The following ANKRD44 variants were observed in gnomAD, a reference collection of about 807,000 sequenced individuals.
ANKRD44 encodes the protein serine/threonine-protein phosphatase 6 regulatory ankyrin repeat subunit B.
A neutral mutation model predicts 116.0 loss-of-function variants in ANKRD44; 35 were observed. The observed-to-expected ratio is 0.30, with a 90% CI of 0.23 to 0.40. The LOEUF (loss-of-function observed/expected upper bound fraction) is 0.40. Ranked by LOEUF, ANKRD44 falls within the 10% of genes least tolerant of loss-of-function variation. The probability of loss-of-function intolerance (pLI) is 1.00; values close to 1 mark genes in which losing one functional copy is unlikely to be tolerated. For synonymous variants in ANKRD44, 435 were observed against 461.8 expected, an observed-to-expected ratio of 0.94 and a Z score of 0.74; for missense variants, 1,014 against 1,242.6, an observed-to-expected ratio of 0.82 and a Z score of 2.77.
intron 1 of ANKRD44, among the ~76,000 whole-genome samples, chr2:197,268,411 AG>A (rs1308350016): frequency 6.6e-6 from 1 of 152,222 alleles, no homozygotes; most frequent in African/African-American, 2.4e-5. Context: ...AAGAAAAGAG[AG>A]AAACTATCAT....
intron 4 of ANKRD44, among the ~76,000 whole-genome samples, chr2:197,126,255 G>A (rs993486106): frequency 4.6e-5 from 7 of 152,120 alleles, no homozygotes; most frequent in Non-Finnish European, 5.9e-5. Context: ...CAAGAGCCCC[G>A]GCACATCTCT....
intron 1 of ANKRD44, among the ~76,000 whole-genome samples, chr2:197,293,094 G>T (rs1574461861): frequency 6.6e-6 from 1 of 151,932 alleles, no homozygotes; most frequent in East Asian, 1.9e-4. Flanking sequence ...TTTTACTAGG[G>T]TTATTTACAT....
intron 8 of ANKRD44, among the ~76,000 whole-genome samples, chr2:197,117,508 G>A (rs1253223074): frequency 6.6e-6 from 1 of 152,116 alleles, no homozygotes; most frequent in Non-Finnish European, 1.5e-5. Flanking sequence ...AAAGTGCTCG[G>A]ATTACAGGCG....
At chr2:197,186,590 T>A (rs1236899123) in intron 2 of ANKRD44, among the ~76,000 whole-genome samples, 1 of 137,892 alleles carries the variant, frequency 7.3e-6, no homozygotes, top group Non-Finnish European at 1.6e-5. Context: ...TGTGCCTCCA[T>A]CACTATGCCC....
At chr2:197,169,885 ATT>A (rs1559121101) in intron 2 of ANKRD44, among the ~76,000 whole-genome samples, 1 of 152,102 alleles carries the variant, frequency 6.6e-6, no homozygotes, top group East Asian at 1.9e-4. Flanking sequence ...GCTGTTAAAA[ATT>A]TTTTAAAAAA....
rs1432855041 is a variant in ANKRD44 at position 197,203,829 on chromosome 2, C to T, written c.28-16723G>A. ...TGATAGATGCTACAACATGGATGAA[C>T]CTTGGAAACATTATGCTAAGTGCAA... is the stretch of plus-strand genomic sequence containing the variant. On this transcript the variant is annotated intron_variant, in intron 1 of 27. Coordinates refer to ENST00000282272, the MANE Select transcript of ANKRD44 (RefSeq NM_001195144.2). This position sits in a 1 kb window ranked among gnomAD's most constrained non-coding sequence, Gnocchi z 4.1. 6.6e-6 allele frequency among the ~76,000 whole-genome samples: 1 copy of T among 152,150 alleles called. No homozygotes were observed. Among genetic ancestry groups the T allele is most frequent in the Non-Finnish European group, 1.5e-5 (1 of 68,034 alleles).
intron 21 of ANKRD44, among the ~76,000 whole-genome samples, chr2:197,004,665 G>A (rs937559887): frequency 2.6e-5 from 4 of 152,048 alleles, no homozygotes; most frequent in Middle Eastern, 3.2e-3. Context: ...AATGTTTGGT[G>A]AAATAATAAA....
chr2:197,294,971 A>G (rs1429650956), intron 1 of ANKRD44, among the ~76,000 whole-genome samples: 1 of 152,230 alleles, frequency 6.6e-6, no homozygotes, highest in Non-Finnish European at 1.5e-5. Context: ...AATCCTATAG[A>G]AAAGGCAAGT....
At chr2:197,124,603 T>C (rs1018258693) in intron 6 of ANKRD44, among the ~76,000 whole-genome samples, 17 of 152,232 alleles carry the variant, frequency 1.1e-4, no homozygotes, top group Admixed American at 6.5e-4. Flanking sequence ...CTTGTGTGGA[T>C]CTTCCAGAAT....
At chr2:197,110,568 TTA>T (rs2078541431) in intron 9 of ANKRD44, among the ~76,000 whole-genome samples, 196 bp downstream of exon 9, 1 of 152,212 alleles carries the variant, frequency 6.6e-6, no homozygotes, top group African/African-American at 2.4e-5. Flanking sequence ...AACTGTGGCT[TTA>T]TGTTTTTACT....
intron 25 of ANKRD44, among the ~76,000 whole-genome samples, chr2:196,996,635 T>C (rs1266255557): frequency 6.6e-6 from 1 of 152,166 alleles, no homozygotes; most frequent in African/African-American, 2.4e-5. Flanking sequence ...CTGGGTGCAG[T>C]GGCTCATGCC....
intron 1 of ANKRD44, among the ~76,000 whole-genome samples, chr2:197,257,376 T>C (rs947843862): frequency 1.3e-5 from 2 of 152,132 alleles, no homozygotes; most frequent in African/African-American, 2.4e-5. Context: ...ACAGAAGTTT[T>C]TTTTTTTTTT....
intron 15 of ANKRD44, among the ~76,000 whole-genome samples, chr2:197,080,343 C>T (rs373300085): frequency 6.6e-6 from 1 of 152,184 alleles, no homozygotes; most frequent in South Asian, 2.1e-4. Context: ...CTTCCCAGAG[C>T]CTAGTAATTT....
intron 16 of ANKRD44, among the ~76,000 whole-genome samples, chr2:197,065,207 G>A (rs2077404648): frequency 6.6e-6 from 1 of 152,022 alleles, no homozygotes; most frequent in Admixed American, 6.6e-5. Flanking sequence ...ATGACTACTG[G>A]GTACATAACG....
intron 16 of ANKRD44, among the ~76,000 whole-genome samples, chr2:197,030,807 T>C (rs1259461723): frequency 2.0e-5 from 3 of 152,020 alleles, no homozygotes; most frequent in African/African-American, 7.2e-5. Context: ...GCAATACAAG[T>C]GCTTTTGTTG....
intron 1 of ANKRD44, among the ~76,000 whole-genome samples, chr2:197,289,843 G>A (rs1190458366): frequency 6.6e-6 from 1 of 151,682 alleles, no homozygotes; most frequent in Admixed American, 6.6e-5. Context: ...GCCATTTCAT[G>A]TAAACTATCC....
intron 1 of ANKRD44, among the ~76,000 whole-genome samples, chr2:197,260,325 C>T (rs551471163): frequency 3.9e-5 from 6 of 152,198 alleles, no homozygotes; most frequent in Admixed American, 2.0e-4. Flanking sequence ...TGAGTGAGAA[C>T]ATGTGGTGTT....
At chr2:197,281,604 G>A (rs2083267407) in intron 1 of ANKRD44, among the ~76,000 whole-genome samples, 2 of 152,108 alleles carry the variant, frequency 1.3e-5, no homozygotes, top group African/African-American at 4.8e-5. Flanking sequence ...CTCTTTTGAT[G>A]AATCTATCAG....
intron 1 of ANKRD44, among the ~76,000 whole-genome samples, chr2:197,251,421 C>G (rs1260968916): frequency 1.3e-5 from 2 of 152,184 alleles, no homozygotes; most frequent in Non-Finnish European, 2.9e-5. Context: ...CTTCTTACAT[C>G]CACTGCTAAT....
Sources: gnomAD v4.1 joint callset for allele counts (sites outside exome capture counted in the v4.1 genomes callset) on GRCh38, gnomAD v4.1.1 for gene constraint, Gnocchi (gnomAD v3.1) non-coding constraint, MANE v1.5 for transcripts, NCBI Gene and HGNC (gene_info 2026-07-23, HGNC 2026-07-21) for gene names.